Variants in PTK2 observed in about 807,000 individuals in gnomAD.
PTK2 encodes the protein protein tyrosine kinase 2.
A neutral mutation model predicts 150.1 loss-of-function variants in PTK2; 45 were observed. The ratio of observed to expected loss-of-function variants is 0.30; its 90% CI spans 0.24 to 0.38. The LOEUF (loss-of-function observed/expected upper bound fraction) is 0.38, where lower values mean the gene tolerates loss of function less well. Among genes scored for constraint, PTK2 ranks in the 10% least tolerant of loss-of-function variants. PTK2 has a pLI of 1.00. For missense variants in PTK2, 919 were observed against 1,307.3 expected (o/e 0.70, Z 4.58); for synonymous variants, 432 against 449.2 (o/e 0.96, Z 0.48).
At chr8:140,860,196 GT>G (rs1314664640) in intron 5 of PTK2, among the ~76,000 whole-genome samples, 8 of 152,166 alleles carry the variant, frequency 5.3e-5, no homozygotes, top group Non-Finnish European at 1.0e-4. Context: ...CAACTAACCT[GT>G]TGAAAGACAT....
chr8:140,681,407 T>C (rs1772388449), intron 27 of PTK2, among the ~76,000 whole-genome samples: 2 of 149,950 alleles, frequency 1.3e-5, no homozygotes, highest in South Asian at 4.2e-4. Context: ...CATCACGCCC[T>C]GAGGAACTGG....
intron 2 of PTK2, among the ~76,000 whole-genome samples, chr8:140,912,475 AATAAAG>A (rs2100163587): frequency 6.6e-6 from 1 of 152,094 alleles, no homozygotes; most frequent in Non-Finnish European, 1.5e-5. Context: ...TTTCTCAAAA[AATAAAG>A]ATAAATACAA....
chr8:140,827,487 C>A (rs538629250), intron 8 of PTK2, among the ~76,000 whole-genome samples: 2 of 152,234 alleles, frequency 1.3e-5, no homozygotes, highest in South Asian at 4.2e-4. Context: ...AAACGATAGC[C>A]TGGAAACATA....
At chr8:140,790,746 T>C (rs544994744) in intron 13 of PTK2, among the ~76,000 whole-genome samples, 27 of 152,380 alleles carry the variant, frequency 1.8e-4, no homozygotes, top group African/African-American at 6.0e-4. Flanking sequence ...TGAAATTTTA[T>C]ATCTTTAGTA....
Position 140,760,600 on chromosome 8 carries a change from C to T in PTK2, c.1332+565G>A, listed in dbSNP as rs959944333. ...AGGGTGGAATGGGAAGTAACTGCTGCTAATGGGTATAAAGTTTCTTTTTGA... is the reference window on the plus strand; with the variant it reads ...AGGGTGGAATGGGAAGTAACTGCTGTTAATGGGTATAAAGTTTCTTTTTGA... On this transcript the variant is annotated intron_variant, in intron 16 of 31. Coordinates refer to ENST00000522684, the Ensembl canonical transcript of PTK2. Among the ~76,000 whole-genome samples, 84 of 152,134 alleles carry T rather than the reference C, an allele frequency of 5.5e-4. 1 individual carries two copies. The highest frequency in any genetic ancestry group is 1.3e-4 in the Admixed American group (2 of 15,274).
intron 31 of PTK2, among the ~76,000 whole-genome samples, chr8:140,661,874 C>A (rs570181706): frequency 2.1e-4 from 32 of 152,328 alleles, no homozygotes; most frequent in African/African-American, 7.0e-4. Context: ...GCGCTGAGTG[C>A]AGCTGCCATG....
exon 11 of PTK2, chr8:140,803,646 G>A: frequency 3.7e-6 from 6 of 1,612,236 alleles, no homozygotes; most frequent in Non-Finnish European, 5.1e-6. Context: ...AGCAAGATGT[G>A]TGGGCTATAA....
chr8:140,739,335 T>C (rs1322513684), intron 20 of PTK2, among the ~76,000 whole-genome samples: 1 of 152,136 alleles, frequency 6.6e-6, no homozygotes, highest in Non-Finnish European at 1.5e-5. Flanking sequence ...CTTCCCTCTA[T>C]AGAGAGGCAA....
At chr8:140,705,997 GCTTT>G (rs1191035871) in intron 24 of PTK2, 118 bp downstream of exon 27, 6 of 742,260 alleles carry the variant, frequency 8.1e-6, no homozygotes, top group East Asian at 8.0e-5. Flanking sequence ...CACTTTCTCA[GCTTT>G]CTATCGGCCA....
chr8:140,870,457 G>T (rs758534313), intron 4 of PTK2, among the ~76,000 whole-genome samples: 1 of 152,124 alleles, frequency 6.6e-6, no homozygotes. Flanking sequence ...GAAATAAGTG[G>T]TAAACAGAAA....
intron 2 of PTK2, among the ~76,000 whole-genome samples, chr8:140,892,969 AC>A: frequency 6.6e-6 from 1 of 152,372 alleles, no homozygotes; most frequent in South Asian, 2.1e-4. Context: ...TGGAGTTACC[AC>A]ATGAACCAAC....
chr8:140,854,264 G>C (rs2100131169), intron 5 of PTK2, among the ~76,000 whole-genome samples: 1 of 152,150 alleles, frequency 6.6e-6, no homozygotes, highest in Non-Finnish European at 1.5e-5. Context: ...ACTCGTATCA[G>C]GCTCAGGCAT....
At chr8:140,908,800 T>C (rs558947781) in intron 2 of PTK2, among the ~76,000 whole-genome samples, 1 of 152,314 alleles carries the variant, frequency 6.6e-6, no homozygotes, top group South Asian at 2.1e-4. Flanking sequence ...CACTTCAGTC[T>C]CTTGCCAGGA....
At position 140,996,099 on chromosome 8, in the gene PTK2, C is replaced by CAAAAG. The variant is rs112812659; in HGVS notation, c.-122+5025_-122+5026insCTTTT. On this transcript the variant is annotated intron_variant, in intron 1 of 31. Coordinates refer to ENST00000522684, the Ensembl canonical transcript of PTK2. Reference sequence around the variant, plus strand: ...TAAAACAAAACAAAACAAAACAAAACAAAGGAAAAGAAAACAGCCTTATTG... The same window carrying CAAAAG: ...TAAAACAAAACAAAACAAAACAAAACAAAAGAAAGGAAAAGAAAACAGCCTTATTG... Among the ~76,000 whole-genome samples the CAAAAG allele has an allele frequency of 6.0e-3, 912 of 151,728 alleles. 58 individuals are homozygous for CAAAAG. Among genetic ancestry groups the CAAAAG allele is most frequent in the African/African-American group, 0.021 (852 of 41,292 alleles).
At chr8:140,890,799 T>C in intron 2 of PTK2, 30 bp from the exon 3 acceptor site, 1 of 1,566,716 alleles carries the variant, frequency 6.4e-7, no homozygotes, top group Non-Finnish European at 8.8e-7. Flanking sequence ...ATTTTTTGTG[T>C]ATAATACTTG....
intron 10 of PTK2, among the ~76,000 whole-genome samples, chr8:140,817,205 A>G (rs1297231666): frequency 2.0e-5 from 3 of 152,152 alleles, no homozygotes; most frequent in Non-Finnish European, 4.4e-5. Flanking sequence ...ATATGAGGAA[A>G]AACACAGAAG....
At chr8:140,738,941 CAA>C (rs1162843882) in intron 21 of PTK2, 75 bp downstream of exon 24, 5 of 1,039,970 alleles carry the variant, frequency 4.8e-6, no homozygotes. Context: ...CTACATATTC[CAA>C]AAAGAGATAA....
chr8:140,728,359 A>G (rs1432601106), intron 22 of PTK2, among the ~76,000 whole-genome samples: 2 of 152,182 alleles, frequency 1.3e-5, no homozygotes, highest in Non-Finnish European at 2.9e-5. Context: ...ATAACTATAT[A>G]TTTTTAAGGA....
chr8:140,769,580 C>A, intron 14 of PTK2: 1 of 1,361,038 alleles, frequency 7.3e-7, no homozygotes, highest in Non-Finnish European at 9.8e-7. Context: ...ATTACCGTCC[C>A]CACTAATTTC....
Sources: gnomAD v4.1 joint callset for allele counts (sites outside exome capture counted in the v4.1 genomes callset) on GRCh38, gnomAD v4.1.1 for gene constraint, MANE v1.5 for transcripts, NCBI Gene and HGNC (gene_info 2026-07-23, HGNC 2026-07-21) for gene names.